Variants in VEPH1 observed in about 807,000 individuals in gnomAD.
VEPH1 encodes ventricular zone-expressed PH domain-containing protein homolog 1.
VEPH1 carries 80 observed loss-of-function variants against 85.2 expected under a neutral mutation model. That is an observed-to-expected ratio of 0.94 (90% CI 0.78 to 1.13). VEPH1 has a LOEUF of 1.13. Among genes scored for constraint, VEPH1 ranks in the 50% most tolerant of loss-of-function variants. The pLI is 0.00. For synonymous variants in VEPH1, 297 were observed against 348.0 expected (o/e 0.85, Z 1.63); for missense variants, 955 against 980.5 (o/e 0.97, Z 0.35).
chr3:157,463,438 A>C (rs889984485), intron 3 of VEPH1, among the ~76,000 whole-genome samples: 1 of 152,154 alleles, frequency 6.6e-6, no homozygotes, highest in Non-Finnish European at 1.5e-5. Flanking sequence ...AACATCACGG[A>C]AGTATCAGAA....
At chr3:157,352,646 T>C (rs1724989739) in intron 9 of VEPH1, among the ~76,000 whole-genome samples, 1 of 152,244 alleles carries the variant, frequency 6.6e-6, no homozygotes, top group East Asian at 1.9e-4. Context: ...TTTTTTACTT[T>C]ACATTGGAGA....
intron 2 of VEPH1, chr3:157,493,334 A>C (rs1419857172): frequency 1.1e-5 from 5 of 455,482 alleles, no homozygotes. Flanking sequence ...ACTGAGATCC[A>C]AGGTCATTAG....
rs1326889669 is a variant in VEPH1, at chr3:157,272,307, T to C, written c.2129-6645A>G. Among the ~76,000 whole-genome samples, 13 of 151,084 alleles carry C rather than the reference T, an allele frequency of 8.6e-5. No homozygotes were observed. The East Asian group carries it at 2.3e-3, about 27-fold the overall frequency. Reference sequence around the variant, plus strand: ...TTCCTTCCTTCCTTCCCTTCCTCTCTCTCTCTCTCCCTCTCTCTCTCTCTT... The same window carrying C: ...TTCCTTCCTTCCTTCCCTTCCTCTCCCTCTCTCTCCCTCTCTCTCTCTCTT... On this transcript the variant is annotated intron_variant, in intron 12 of 13. Transcript: ENST00000362010.
At chr3:157,386,187 A>G (rs1327904920) in intron 6 of VEPH1, among the ~76,000 whole-genome samples, 1 of 136,628 alleles carries the variant, frequency 7.3e-6, no homozygotes, top group Non-Finnish European at 1.5e-5. Flanking sequence ...TGTCTACCAA[A>G]CAGCCCCAAA....
chr3:157,400,768 G>A (rs2108972937), intron 6 of VEPH1, among the ~76,000 whole-genome samples: 1 of 152,144 alleles, frequency 6.6e-6, no homozygotes, highest in Admixed American at 6.5e-5. Context: ...AAAGCTTATG[G>A]AAGTCTATCT....
rs567163533 is a variant in VEPH1 at position 157,358,650 on chromosome 3, C to T, written c.1735+4714G>A. Reference sequence around the variant, plus strand: ...ACTGAGGTGGACTTGACTACATGCACATTTTCAGTAAGGAGGCTTTATTTG... The same window carrying T: ...ACTGAGGTGGACTTGACTACATGCATATTTTCAGTAAGGAGGCTTTATTTG... On this transcript the variant is annotated intron_variant, in intron 9 of 13. Coordinates refer to ENST00000362010, the MANE Select transcript of VEPH1 (RefSeq NM_001167912.2). 2.0e-4 allele frequency among the ~76,000 whole-genome samples: 31 copies of T among 152,312 alleles called. No homozygotes were observed. The South Asian group carries it at 6.0e-3, about 30-fold the overall frequency.
At chr3:157,359,820 C>A (rs1018786472) in intron 9 of VEPH1, among the ~76,000 whole-genome samples, 2 of 152,158 alleles carry the variant, frequency 1.3e-5, no homozygotes, top group Admixed American at 1.3e-4. Flanking sequence ...TTCATATGGA[C>A]CAACCTAACA....
chr3:157,412,066 T>C (rs374499097), intron 6 of VEPH1, among the ~76,000 whole-genome samples: 1 of 152,172 alleles, frequency 6.6e-6, no homozygotes, highest in African/African-American at 2.4e-5. Context: ...CTCTTCCTCC[T>C]GCTCTGGCCA....
intron 4 of VEPH1, among the ~76,000 whole-genome samples, chr3:157,455,092 C>T (rs1217850859): frequency 3.3e-5 from 5 of 152,036 alleles, no homozygotes; most frequent in African/African-American, 1.2e-4. Context: ...ATTTATTTTC[C>T]TTTGGGTATA....
At chr3:157,298,276 A>G (rs1718369627) in intron 11 of VEPH1, among the ~76,000 whole-genome samples, 1 of 152,162 alleles carries the variant, frequency 6.6e-6, no homozygotes, top group Admixed American at 6.5e-5. Context: ...GAGGTTAATG[A>G]CTTGCCCAGT....
chr3:157,282,138 T>C (rs1716210100), intron 12 of VEPH1, among the ~76,000 whole-genome samples: 1 of 152,204 alleles, frequency 6.6e-6, no homozygotes, highest in African/African-American at 2.4e-5. Flanking sequence ...GTATTCATAA[T>C]CTAATATAAT....
intron 9 of VEPH1, among the ~76,000 whole-genome samples, chr3:157,350,245 A>G (rs1724716942): frequency 6.6e-6 from 1 of 152,180 alleles, no homozygotes; most frequent in African/African-American, 2.4e-5. Flanking sequence ...TTTTGACAAA[A>G]TGCCAAGAAA....
chr3:157,309,774 ATTTTAT>A (rs1232167939), intron 11 of VEPH1, among the ~76,000 whole-genome samples: 1 of 151,700 alleles, frequency 6.6e-6, no homozygotes, highest in African/African-American at 2.4e-5. Context: ...TTTATTTATT[ATTTTAT>A]TTTATTTATT....
At chr3:157,341,551 G>A (rs1723561733) in intron 9 of VEPH1, among the ~76,000 whole-genome samples, 1 of 151,886 alleles carries the variant, frequency 6.6e-6, no homozygotes, top group South Asian at 2.1e-4. Flanking sequence ...ATGTCTGATT[G>A]GTGTACCTGA....
At chr3:157,380,227 C>G (rs977889080) in intron 7 of VEPH1, among the ~76,000 whole-genome samples, 7 of 152,186 alleles carry the variant, frequency 4.6e-5, no homozygotes, top group Admixed American at 2.6e-4. Flanking sequence ...CCTATGCACA[C>G]TTTTCTGCTC....
intron 9 of VEPH1, among the ~76,000 whole-genome samples, chr3:157,350,337 T>C (rs898114427): frequency 6.6e-6 from 1 of 152,114 alleles, no homozygotes; most frequent in African/African-American, 2.4e-5. Context: ...GAAACTGGAC[T>C]CCTACCTCTT....
intron 9 of VEPH1, among the ~76,000 whole-genome samples, chr3:157,327,115 G>C (rs1392114182): frequency 1.3e-5 from 2 of 152,062 alleles, no homozygotes; most frequent in Admixed American, 6.5e-5. Context: ...ATTGGCAAGG[G>C]AGACCCCTGG....
rs116575266 is a variant in VEPH1 at position 157,346,797 on chromosome 3, T to C, written c.1735+16567A>G. On this transcript the variant is annotated intron_variant, in intron 9 of 13. Transcript: ENST00000362010. ...GGATTTTTTAAAAATTTATTTTTGGTAGAGACAGGGTCTCTTCTGTGTTGC... is the reference window on the plus strand; with the variant it reads ...GGATTTTTTAAAAATTTATTTTTGGCAGAGACAGGGTCTCTTCTGTGTTGC... Among the ~76,000 whole-genome samples the C allele has an allele frequency of 3.8e-3, 578 of 152,152 alleles. 4 individuals are homozygous for C. The highest frequency in any genetic ancestry group is 0.013 in the African/African-American group (554 of 41,520).
At chr3:157,275,631 CA>C (rs1715295660) in intron 12 of VEPH1, among the ~76,000 whole-genome samples, 1 of 151,866 alleles carries the variant, frequency 6.6e-6, no homozygotes, top group Admixed American at 6.6e-5. Context: ...AGATATATAT[CA>C]ATATATAGAT....
Sources: gnomAD v4.1 joint callset for allele counts (sites outside exome capture counted in the v4.1 genomes callset) on GRCh38, gnomAD v4.1.1 for gene constraint, MANE v1.5 for transcripts, NCBI Gene and HGNC (gene_info 2026-07-23, HGNC 2026-07-21) for gene names.